DTNB: variants seen among roughly 807,000 people sequenced by gnomAD.
The protein encoded by DTNB is DTN-B.
A neutral mutation model predicts 90.7 loss-of-function variants in DTNB; 63 were observed. The ratio of observed to expected loss-of-function variants is 0.69; its 90% CI spans 0.57 to 0.86. The LOEUF is 0.86. Ranked by LOEUF, DTNB falls within the 40% of genes least tolerant of loss-of-function variation. The probability of loss-of-function intolerance (pLI) is 0.00; values close to 1 mark genes in which losing one functional copy is unlikely to be tolerated. For missense variants in DTNB, 744 were observed against 807.1 expected (o/e 0.92, Z 0.95); for synonymous variants, 277 against 286.7 (o/e 0.97, Z 0.34).
intron 9 of DTNB, among the ~76,000 whole-genome samples, chr2:25,492,929 C>T (rs992362468): frequency 6.6e-6 from 1 of 152,194 alleles, no homozygotes; most frequent in Non-Finnish European, 1.5e-5. Flanking sequence ...TCAGAGCTGT[C>T]CCTTTTCCCC....
At chr2:25,451,735 G>A (rs568812253) in intron 11 of DTNB, 100 bp from the exon 12 acceptor site, 1 of 1,196,140 alleles carries the variant, frequency 8.4e-7, no homozygotes, top group Non-Finnish European at 1.1e-6. Context: ...ATAAAAGAAT[G>A]GTAATAAAAG....
chr2:25,435,293 T>C (rs910676331), intron 12 of DTNB, among the ~76,000 whole-genome samples: 3 of 152,216 alleles, frequency 2.0e-5, no homozygotes, highest in Non-Finnish European at 4.4e-5. Flanking sequence ...AGTCCTGGGA[T>C]TACAGGTGTG....
At chr2:25,389,239 GA>G (rs1227491603) in intron 16 of DTNB, among the ~76,000 whole-genome samples, 1 of 152,244 alleles carries the variant, frequency 6.6e-6, no homozygotes, top group Non-Finnish European at 1.5e-5. Context: ...GGAGGCATGG[GA>G]ACAACCCCTT....
At chr2:25,434,955 A>C (rs1257161656) in intron 12 of DTNB, among the ~76,000 whole-genome samples, 2 of 152,100 alleles carry the variant, frequency 1.3e-5, no homozygotes, top group Non-Finnish European at 2.9e-5. Flanking sequence ...TCAATAGTAA[A>C]TTTTTTAAAA....
chr2:25,619,155 A>C (rs777574013), intron 4 of DTNB, among the ~76,000 whole-genome samples: 2 of 152,156 alleles, frequency 1.3e-5, no homozygotes, highest in Non-Finnish European at 2.9e-5. Flanking sequence ...ACTTTTGAAA[A>C]CAAGACTACG....
At chr2:25,538,650 C>T (rs2080405040) in intron 8 of DTNB, among the ~76,000 whole-genome samples, 2 of 152,000 alleles carry the variant, frequency 1.3e-5, no homozygotes, top group Admixed American at 6.6e-5. Flanking sequence ...CGGGGTTTCA[C>T]CATGTTGGTC....
At chr2:25,396,998 T>C (rs2042542933) in intron 16 of DTNB, among the ~76,000 whole-genome samples, 1 of 152,044 alleles carries the variant, frequency 6.6e-6, no homozygotes, top group Non-Finnish European at 1.5e-5. Context: ...ACTGAATTTC[T>C]TTAAGCCATC....
chr2:25,412,379 G>A (rs562421086), intron 16 of DTNB, among the ~76,000 whole-genome samples: 1 of 152,282 alleles, frequency 6.6e-6, no homozygotes, highest in Admixed American at 6.5e-5. Flanking sequence ...GGTCCCAAGT[G>A]TGGCAAAGTT....
rs1436442162 is a variant in DTNB, at chr2:25,377,391, C to T, written c.*192G>A. On this transcript the variant is annotated 3_prime_UTR_variant, in exon 21 of 21. Transcript: ENST00000406818. ...AGCTGTGCCACGCAGCCCCTCCCCG[C>T]TTCCCACCGGCTCTGGCTCCCCTCT... is the stretch of plus-strand genomic sequence containing the variant. The T allele has an allele frequency of 1.3e-5, 2 of 153,214 alleles. No individual in the cohort carries two copies. Among genetic ancestry groups the T allele is most frequent in the Non-Finnish European group, 2.9e-5 (2 of 68,386 alleles). 9.5% of individuals were successfully genotyped at this position (153,214 alleles called of 1,614,324 possible). A position where few individuals can be genotyped will look rare whatever the true frequency, so the allele number is the denominator to read the frequency against.
chr2:25,539,118 T>C (rs866186728), intron 8 of DTNB, among the ~76,000 whole-genome samples: 44 of 152,234 alleles, frequency 2.9e-4, no homozygotes, highest in African/African-American at 9.6e-4. Context: ...ATTTCATTGG[T>C]TAATTACACT....
intron 8 of DTNB, among the ~76,000 whole-genome samples, chr2:25,553,092 C>T (rs12612999): frequency 0.24 from 35,823 of 151,242 alleles, 4,793 homozygotes; most frequent in Non-Finnish European, 0.3. Context: ...GATCTCCTGA[C>T]CTCATGATCC....
chr2:25,539,568 C>T (rs1040786464), intron 8 of DTNB, among the ~76,000 whole-genome samples: 2 of 144,038 alleles, frequency 1.4e-5, no homozygotes, highest in African/African-American at 5.1e-5. Context: ...TAGGGTTGCA[C>T]TGGATTGCCT....
chr2:25,601,048 T>C (rs976606681), intron 5 of DTNB, among the ~76,000 whole-genome samples: 2 of 152,230 alleles, frequency 1.3e-5, no homozygotes, highest in Non-Finnish European at 2.9e-5. Context: ...TTTTTGTGAA[T>C]AGGCTTTTAT....
At chr2:25,589,300 T>C (rs2063050289) in intron 6 of DTNB, among the ~76,000 whole-genome samples, 1 of 151,658 alleles carries the variant, frequency 6.6e-6, no homozygotes, top group Non-Finnish European at 1.5e-5. Flanking sequence ...AGAGTGTGTC[T>C]ACTTTCCTAT....
chr2:25,536,439 C>T (rs998688064), intron 8 of DTNB, among the ~76,000 whole-genome samples: 10 of 152,000 alleles, frequency 6.6e-5, no homozygotes, highest in African/African-American at 9.7e-5. Context: ...AGTGAAACTC[C>T]GTCTGCAATC....
At chr2:25,591,046 C>T (rs568376258) in intron 6 of DTNB, among the ~76,000 whole-genome samples, 8 of 152,358 alleles carry the variant, frequency 5.3e-5, no homozygotes, top group Admixed American at 2.6e-4. Context: ...CTGCCCCGAG[C>T]GTGTGCACAC....
intron 9 of DTNB, among the ~76,000 whole-genome samples, chr2:25,530,163 C>A (rs1428369803): frequency 6.6e-6 from 1 of 152,146 alleles, no homozygotes; most frequent in Non-Finnish European, 1.5e-5. Context: ...TGGCTGGGCG[C>A]AGTGGCTCAT....
intron 12 of DTNB, among the ~76,000 whole-genome samples, chr2:25,439,523 G>A (rs893419579): frequency 4.0e-5 from 6 of 151,218 alleles, no homozygotes; most frequent in African/African-American, 9.8e-5. Flanking sequence ...AGGGGAAACT[G>A]GGTGTAGATT....
chr2:25,574,462 T>C (rs2060358957), intron 8 of DTNB, among the ~76,000 whole-genome samples: 1 of 152,200 alleles, frequency 6.6e-6, no homozygotes, highest in African/African-American at 2.4e-5. Flanking sequence ...ACAGAAATTT[T>C]TGGAAAAATC....
Sources: allele counts gnomAD v4.1 joint callset (sites outside exome capture counted in the v4.1 genomes callset), GRCh38; gene constraint gnomAD v4.1.1; transcripts MANE v1.5; gene names NCBI Gene and HGNC (gene_info 2026-07-23, HGNC 2026-07-21).